FNDC1: variants seen among roughly 807,000 people sequenced by gnomAD.
FNDC1 encodes the protein fibronectin type III domain-containing protein 1.
In FNDC1, 96 loss-of-function variants were observed where a neutral mutation model predicts 168.0. The observed-to-expected ratio is 0.57, with a 90% CI of 0.48 to 0.68. The LOEUF (loss-of-function observed/expected upper bound fraction) is 0.68, where lower values mean the gene tolerates loss of function less well. Among genes scored for constraint, FNDC1 ranks in the 30% least tolerant of loss-of-function variants. The pLI is 0.00. For synonymous variants in FNDC1, 1,099 were observed against 1,025.9 expected (o/e 1.07, Z -1.36); for missense variants, 2,587 against 2,482.1 (o/e 1.04, Z -0.90).
chr6:159,251,266 C>T, intron 16 of FNDC1, 36 bp from the exon 17 acceptor site: 2 of 1,530,408 alleles, frequency 1.3e-6, no homozygotes, highest in Non-Finnish European at 1.8e-6. Context: ...GAAAAAGCCT[C>T]CAGCAATCCA....
rs1783089691 is a variant in FNDC1, at chr6:159,231,903, A to G, written c.1391A>G (p.Gln464Arg). ...GCAGCCAGTAAGGCGGATGTTGAGCAGAACACGGAGGACAATGGGAAACCC... is the reference window on the plus strand; with the variant it reads ...GCAGCCAGTAAGGCGGATGTTGAGCGGAACACGGAGGACAATGGGAAACCC... ...MPTTSKADVE[Q>R]NTEDNGKPEK... Residue 464 changes from glutamine to arginine, a missense_variant, in exon 11 of 23, where the codon CAG becomes CGG. Coordinates refer to ENST00000297267, the MANE Select transcript of FNDC1 (RefSeq NM_032532.3). 1 of 1,604,594 alleles carries G rather than the reference A, an allele frequency of 6.2e-7. No individual in the cohort carries two copies. Among genetic ancestry groups the G allele is most frequent in the East Asian group, 2.2e-5 (1 of 44,840 alleles).
At position 159,233,004 on chromosome 6, in the gene FNDC1, C is replaced by T. The variant is rs762645078; in HGVS notation, c.2492C>T (p.Ser831Phe). 101 of 1,612,634 alleles carry T rather than the reference C, an allele frequency of 6.3e-5. No individual in the cohort carries two copies. Among genetic ancestry groups the T allele is most frequent in the Non-Finnish European group, 8.5e-5 (100 of 1,179,688 alleles). The stretch of plus-strand genomic sequence containing the variant: ...AAACCCTTTGCTGCCAACGGGAGGT[C>T]TCCAAGCAGGTTCAGCATTGGGCGG... ...RHKPFAANGRSPSRFSIGRGP... is the reference protein window; with the variant it reads ...RHKPFAANGRFPSRFSIGRGP... Residue 831 changes from serine to phenylalanine, a missense_variant, in exon 11 of 23, where the codon TCT (serine) becomes TTT (phenylalanine). By Grantham distance (155) the Ser-to-Phe change is radical. Coordinates refer to ENST00000297267, the MANE Select transcript of FNDC1 (RefSeq NM_032532.3). This position sits in a 1 kb window ranked among gnomAD's most constrained non-coding sequence, Gnocchi z 4.6.
At chr6:159,254,090 G>T (rs1207477732) in intron 17 of FNDC1, among the ~76,000 whole-genome samples, 1 of 152,226 alleles carries the variant, frequency 6.6e-6, no homozygotes, top group South Asian at 2.1e-4. Flanking sequence ...TCCAGGCCCA[G>T]CTTGCCCATT....
chr6:159,187,884 C>G (rs1782036441), intron 1 of FNDC1, among the ~76,000 whole-genome samples: 1 of 152,098 alleles, frequency 6.6e-6, no homozygotes, highest in African/African-American at 2.4e-5. Context: ...CTTCATTTTT[C>G]CACCTTTCCT....
chr6:159,254,501 A>G (rs1391270901), intron 17 of FNDC1, among the ~76,000 whole-genome samples: 1 of 152,088 alleles, frequency 6.6e-6, no homozygotes, highest in African/African-American at 2.4e-5. Flanking sequence ...TGTATAAAAA[A>G]TCAGACTCAT....
At chr6:159,230,591 G>T (rs1436618794) in intron 10 of FNDC1, among the ~76,000 whole-genome samples, 1 of 152,180 alleles carries the variant, frequency 6.6e-6, no homozygotes, top group East Asian at 1.9e-4. Context: ...ATTTAGGAAT[G>T]CAGCTGTACC....
Position 159,271,617 on chromosome 6 carries a change from T to G in FNDC1, c.*175T>G, listed in dbSNP as rs1777751204. 2 of 570,748 alleles carry G rather than the reference T, an allele frequency of 3.5e-6. No individual in the cohort carries two copies. Among genetic ancestry groups the G allele is most frequent in the Admixed American group, 6.0e-5 (2 of 33,602 alleles). The allele number at this position is 570,748 out of a possible 1,614,324, so 35.4% of individuals were successfully genotyped here. ...TCAGTCTGGAACTCAGTCCCACTTC[T>G]TGGCCTGGACAATGAACAGGATTCA... On this transcript the variant is annotated 3_prime_UTR_variant, in exon 23 of 23. Coordinates refer to ENST00000297267, the MANE Select transcript of FNDC1 (RefSeq NM_032532.3).
chr6:159,188,657 C>A (rs1056927555), intron 1 of FNDC1, among the ~76,000 whole-genome samples: 1 of 151,536 alleles, frequency 6.6e-6, no homozygotes, highest in South Asian at 2.1e-4. Flanking sequence ...GGATTACAGG[C>A]GTGAGCCACT....
At position 159,251,370 on chromosome 6, in the gene FNDC1, T is replaced by C. The variant is rs1396087370; in HGVS notation, c.4903T>C (p.Phe1635Leu). Reference sequence around the variant, plus strand: ...CTCTCTGACTGATGCACTGGATCACTTCCAAGTGGACAGCCTGGATGAAAT... The same window carrying C: ...CTCTCTGACTGATGCACTGGATCACCTCCAAGTGGACAGCCTGGATGAAAT... ...PCSLTDALDH[F>L]QVDSLDEIIP... Residue 1635 changes from phenylalanine to leucine, a missense_variant, in exon 17 of 23, where the codon TTC (phenylalanine) becomes CTC (leucine). Coordinates refer to ENST00000297267, the MANE Select transcript of FNDC1 (RefSeq NM_032532.3). 1 of 1,614,010 alleles carries C rather than the reference T, an allele frequency of 6.2e-7. No individual in the cohort carries two copies. Among genetic ancestry groups the C allele is most frequent in the South Asian group, 1.1e-5 (1 of 91,074 alleles).
chr6:159,184,006 A>G (rs1781940189), intron 1 of FNDC1, among the ~76,000 whole-genome samples: 1 of 152,258 alleles, frequency 6.6e-6, no homozygotes, highest in African/African-American at 2.4e-5. Flanking sequence ...AAAGTATAGT[A>G]GAAAGAGCAT....
chr6:159,256,255 C>T lies in FNDC1; in HGVS notation c.5066-268C>T, dbSNP rs572784208. On this transcript the variant is annotated intron_variant, in intron 17 of 22. Transcript: ENST00000297267. The stretch of plus-strand genomic sequence containing the variant: ...AGATGAGACGTGATTAGTTCTGAGG[C>T]GATGGGGAAGGCTGGGGAATGAGCA... 7.9e-5 allele frequency among the ~76,000 whole-genome samples: 12 copies of T among 152,196 alleles called. No individual in the cohort carries two copies. In the East Asian group the frequency reaches 1.4e-3, roughly 17 times the overall value.
intron 14 of FNDC1, among the ~76,000 whole-genome samples, chr6:159,242,809 C>T (rs1783454611): frequency 6.6e-6 from 1 of 152,196 alleles, no homozygotes; most frequent in South Asian, 2.1e-4. Context: ...CTTTTTGGGT[C>T]TGGCTTCTTT....
At chr6:159,238,316 A>G (rs1783314303) in intron 12 of FNDC1, among the ~76,000 whole-genome samples, 1 of 150,804 alleles carries the variant, frequency 6.6e-6, no homozygotes, top group Admixed American at 6.6e-5. Context: ...CGATCTCCTG[A>G]TCTCGTGATC....
chr6:159,239,707 G>C lies in FNDC1; in HGVS notation c.4371G>C (p.Thr1457=), dbSNP rs931605586. The part of the protein sequence containing the change: ...PTTTMQPTTT[T]TPLPTTTTPR... ...CTACCATGCAGCCCACCACTACTACGACGCCCCTGCCTACCACTACAACCC... is the reference window on the plus strand; with the variant it reads ...CTACCATGCAGCCCACCACTACTACCACGCCCCTGCCTACCACTACAACCC... The change falls in exon 14 of 23, where the codon ACG becomes ACC. Residue 1457 remains threonine (T), a synonymous_variant. Coordinates refer to ENST00000297267, the MANE Select transcript of FNDC1 (RefSeq NM_032532.3). The C allele has an allele frequency of 7.1e-6, 11 of 1,550,100 alleles. No homozygotes were observed. The highest frequency in any genetic ancestry group is 9.6e-6 in the Non-Finnish European group (11 of 1,146,488).
At chr6:159,235,859 T>C (rs1783241964) in intron 11 of FNDC1, among the ~76,000 whole-genome samples, 2 of 152,166 alleles carry the variant, frequency 1.3e-5, no homozygotes, top group South Asian at 4.1e-4. Flanking sequence ...TAGACATAAT[T>C]TTCTCTATCC....
rs552676572 is a variant in FNDC1, at chr6:159,220,711, A to G, written c.668-887A>G. Reference sequence around the variant, plus strand: ...CATTGCATTTTTTTCTTCAAGTGCAATGGCCCCTGGTATACACTGGATTGG... The same window carrying G: ...CATTGCATTTTTTTCTTCAAGTGCAGTGGCCCCTGGTATACACTGGATTGG... On this transcript the variant is annotated intron_variant, in intron 5 of 22. Coordinates refer to ENST00000297267, the MANE Select transcript of FNDC1 (RefSeq NM_032532.3). Among the ~76,000 whole-genome samples the G allele has an allele frequency of 2.0e-5, 3 of 152,338 alleles. No individual in the cohort carries two copies. In the East Asian group the frequency reaches 5.8e-4, roughly 29 times the overall value.
chr6:159,195,674 A>G (rs1202207062), intron 1 of FNDC1, among the ~76,000 whole-genome samples: 3 of 152,194 alleles, frequency 2.0e-5, no homozygotes, highest in Non-Finnish European at 4.4e-5. Flanking sequence ...GAGAAGAACA[A>G]TGAAAATATT....
chr6:159,264,999 C>A lies in FNDC1; in HGVS notation c.5279C>A (p.Pro1760His), dbSNP rs1247594836. 5 of 1,605,994 alleles carry A rather than the reference C, an allele frequency of 3.1e-6. No individual in the cohort carries two copies. Among genetic ancestry groups the A allele is most frequent in the Non-Finnish European group, 4.3e-6 (5 of 1,175,384 alleles). The part of the protein sequence containing the change: ...ESDNPLLVVR[P>H]PGGEPIWIPF... ...GATAATCCTCTGCTTGTTGTGAGGC[C>A]CCCAGGTAAGTTTATGTTCTTGATA... Residue 1760 changes from proline to histidine, a missense_variant, in exon 20 of 23, where the codon CCC (proline) becomes CAC (histidine). By Grantham distance (77) the Pro-to-His change is moderately conservative. Transcript: ENST00000297267.
At position 159,233,834 on chromosome 6, in the gene FNDC1, C is replaced by G; in HGVS notation, c.3322C>G (p.Pro1108Ala). 6.5e-7 allele frequency: 1 copy of G among 1,543,440 alleles called. No homozygotes were observed. Among genetic ancestry groups the G allele is most frequent in the South Asian group, 1.2e-5 (1 of 83,162 alleles). Residue 1108 changes from proline to alanine, a missense_variant, in exon 11 of 23, where the codon CCC becomes GCC. By Grantham distance (27) the Pro-to-Ala change is conservative. Coordinates refer to ENST00000297267, the MANE Select transcript of FNDC1 (RefSeq NM_032532.3). The surrounding 1 kb of genome is among the most constrained non-coding windows in gnomAD (Gnocchi z 4.6). ...CGCCAAGGAGGCAGCTGCGTCCCTT[C>G]CCAAGCACCAGCAGGTGGAGTCTCC... ...ARAKEAAASL[P>A]KHQQVESPTG...
Sources: allele counts gnomAD v4.1 joint callset (sites outside exome capture counted in the v4.1 genomes callset), GRCh38; gene constraint gnomAD v4.1.1; non-coding constraint Gnocchi (gnomAD v3.1); transcripts MANE v1.5; gene names NCBI Gene and HGNC (gene_info 2026-07-23, HGNC 2026-07-21).